CPED1: variants seen among roughly 807,000 people sequenced by gnomAD.
The protein encoded by CPED1 is cadherin-like and PC-esterase domain-containing protein 1.
CPED1 carries 114 observed loss-of-function variants against 128.2 expected under a neutral mutation model. That is an observed-to-expected ratio of 0.89 (90% confidence interval 0.76 to 1.04). The LOEUF is 1.04. Ranked by LOEUF, CPED1 falls within the 50% of genes least tolerant of loss-of-function variation. CPED1 has a pLI of 0.00. For synonymous variants in CPED1, 462 were observed against 426.7 expected, an observed-to-expected ratio of 1.08 and a Z score of -1.02; for missense variants, 1,211 against 1,207.1, an observed-to-expected ratio of 1.00 and a Z score of -0.05.
chr7:121,177,637 T>G (rs893777761), intron 16 of CPED1, among the ~76,000 whole-genome samples: 2 of 152,090 alleles, frequency 1.3e-5, no homozygotes, highest in Non-Finnish European at 2.9e-5. Flanking sequence ...CATATAACAG[T>G]GCAACGGCTA....
chr7:121,075,684 G>C (rs56351875), intron 5 of CPED1, among the ~76,000 whole-genome samples: 70,117 of 151,808 alleles, frequency 0.46, 16,482 homozygotes, highest in East Asian at 0.61. Flanking sequence ...GGCTGGTCTC[G>C]AACTCCTGAC....
chr7:121,093,508 A>G (rs1411674751), intron 5 of CPED1, among the ~76,000 whole-genome samples: 1 of 151,904 alleles, frequency 6.6e-6, no homozygotes, highest in Non-Finnish European at 1.5e-5. Context: ...TACAGTGTAG[A>G]GTTTGTGCTG....
chr7:121,106,658 G>C (rs1330723370), intron 7 of CPED1, among the ~76,000 whole-genome samples: 1 of 152,012 alleles, frequency 6.6e-6, no homozygotes, highest in Non-Finnish European at 1.5e-5. Flanking sequence ...CACCTGTCCT[G>C]TTCACAGCCT....
At chr7:121,035,470 G>A (rs1792859303) in intron 3 of CPED1, among the ~76,000 whole-genome samples, 1 of 152,156 alleles carries the variant, frequency 6.6e-6, no homozygotes, top group Non-Finnish European at 1.5e-5. Context: ...GGAAGGAGAT[G>A]TGAGTACCAG....
intron 5 of CPED1, among the ~76,000 whole-genome samples, chr7:121,076,930 T>A (rs1177395368): frequency 1.3e-5 from 2 of 151,118 alleles, no homozygotes; most frequent in Non-Finnish European, 3.0e-5. Flanking sequence ...CTCTAAACTT[T>A]AAAAAAAAAT....
At chr7:121,129,302 TATATATATACGTATATATATATATA>T (rs1795595062) in intron 11 of CPED1, among the ~76,000 whole-genome samples, 1 of 6,390 alleles carries the variant, frequency 1.6e-4, no homozygotes, top group African/African-American at 2.2e-4. Context: ...TATATATATA[TATATATATACGTATATATATATATA>T]TATATATACG....
intron 17 of CPED1, among the ~76,000 whole-genome samples, chr7:121,237,764 A>G (rs916232748): frequency 6.6e-5 from 10 of 152,158 alleles, no homozygotes; most frequent in African/African-American, 1.9e-4. Context: ...ACTTCACACC[A>G]CAGCTTGAAT....
chr7:121,238,309 A>G (rs1798307116), intron 17 of CPED1, among the ~76,000 whole-genome samples: 1 of 152,134 alleles, frequency 6.6e-6, no homozygotes, highest in Non-Finnish European at 1.5e-5. Context: ...TGAAGCCTCC[A>G]TAATCTGGCC....
At chr7:121,209,512 A>G (rs1215163028) in intron 16 of CPED1, among the ~76,000 whole-genome samples, 1 of 152,012 alleles carries the variant, frequency 6.6e-6, no homozygotes, top group Non-Finnish European at 1.5e-5. Flanking sequence ...TAACTATTTA[A>G]AAGTGTTTGC....
At chr7:121,130,588 G>T (rs940367005) in intron 12 of CPED1, among the ~76,000 whole-genome samples, 2 of 151,972 alleles carry the variant, frequency 1.3e-5, no homozygotes, top group Admixed American at 1.3e-4. Context: ...ATATATTCTT[G>T]AATTGTGAGG....
At chr7:121,017,381 G>A (rs1792329152) in intron 3 of CPED1, among the ~76,000 whole-genome samples, 1 of 152,128 alleles carries the variant, frequency 6.6e-6, no homozygotes, top group African/African-American at 2.4e-5. Context: ...CCAATCTAGA[G>A]TCCTGGGATA....
intron 4 of CPED1, among the ~76,000 whole-genome samples, chr7:121,061,363 T>G (rs968739972): frequency 6.6e-6 from 1 of 152,206 alleles, no homozygotes; most frequent in Non-Finnish European, 1.5e-5. Context: ...AAAATGTCTG[T>G]GTATAAATAT....
In CPED1 at chr7:121,046,906, T is replaced by C; in HGVS notation, c.453T>C (p.Asp151=). The C allele has an allele frequency of 6.2e-7, 1 of 1,611,864 alleles. No homozygotes were observed. The highest frequency in any genetic ancestry group is 8.5e-7 in the Non-Finnish European group (1 of 1,178,498). Residue 151 remains aspartate, a synonymous_variant, in exon 4 of 23, where the codon GAT becomes GAC. Coordinates refer to ENST00000310396, the MANE Select transcript of CPED1 (RefSeq NM_024913.5). ...TTTTAGGTGATCTGGGCTCTTGGGA[T>C]CTGCTCATTTGCCTGTCTTCTAAGA... ...LLEQGDLGSW[D]LLICLSSKKA...
chr7:121,284,459 C>T (rs1434213444), intron 22 of CPED1, among the ~76,000 whole-genome samples: 1 of 152,086 alleles, frequency 6.6e-6, no homozygotes, highest in Non-Finnish European at 1.5e-5. Context: ...AGCATTAACC[C>T]AAAAGTCAAA....
chr7:121,079,883 A>G (rs1794239939), intron 5 of CPED1, among the ~76,000 whole-genome samples: 1 of 152,224 alleles, frequency 6.6e-6, no homozygotes, highest in Non-Finnish European at 1.5e-5. Flanking sequence ...TGCCACTAGA[A>G]ATTAGAGGCA....
chr7:121,292,581 TGGA>T (rs1445059926), intron 22 of CPED1, among the ~76,000 whole-genome samples: 11 of 152,196 alleles, frequency 7.2e-5, no homozygotes, highest in South Asian at 2.1e-4. Context: ...TGCGATCGTT[TGGA>T]GGAGAAGAGG....
Position 121,130,242 on chromosome 7 carries a change from T to G in CPED1, c.1525T>G (p.Phe509Val), listed in dbSNP as rs747069916. Reference protein sequence around the residue: ...LTQYWSLLNVFEQFQFMNKKT... With the variant: ...LTQYWSLLNVVEQFQFMNKKT... ...CCAATACTGGTCTCTTTTAAATGTA[T>G]TTGAACAATTTCAGTTCATGAATAA... is the stretch of plus-strand genomic sequence containing the variant. Residue 509 changes from phenylalanine (F) to valine (V), a missense_variant, in exon 12 of 23, where the codon TTT becomes GTT. By Grantham distance (50) the Phe-to-Val change is conservative. Transcript: ENST00000310396. The G allele has an allele frequency of 6.8e-6, 11 of 1,610,232 alleles. No homozygotes were observed. The African/African-American group carries it at 1.2e-4, about 18-fold the overall frequency.
intron 18 of CPED1, among the ~76,000 whole-genome samples, chr7:121,246,865 G>C (rs1001693366): frequency 2.6e-5 from 4 of 152,222 alleles, no homozygotes; most frequent in Non-Finnish European, 5.9e-5. Context: ...TTAGCTTGCT[G>C]CACAGCAAAA....
intron 18 of CPED1, among the ~76,000 whole-genome samples, chr7:121,246,238 C>T (rs1056046005): frequency 2.6e-5 from 4 of 152,186 alleles, no homozygotes; most frequent in Admixed American, 6.5e-5. Context: ...GGACACGACA[C>T]GTCTTGTTTC....
Sources: gnomAD v4.1 joint callset for allele counts (sites outside exome capture counted in the v4.1 genomes callset) on GRCh38, gnomAD v4.1.1 for gene constraint, MANE v1.5 for transcripts, NCBI Gene and HGNC (gene_info 2026-07-23, HGNC 2026-07-21) for gene names.